Variants in DGKD observed in about 807,000 individuals in gnomAD.
DGKD encodes the protein diacylglycerol kinase delta, also known as DAG kinase delta.
In DGKD, 68 loss-of-function variants were observed where a neutral mutation model predicts 154.4. The observed-to-expected ratio is 0.44, with a 90% CI of 0.36 to 0.54. The LOEUF (loss-of-function observed/expected upper bound fraction) is 0.54. DGKD is among the 20% of genes least tolerant of loss of function. The pLI is 0.00. For missense variants in DGKD, 1,343 were observed against 1,593.6 expected, an observed-to-expected ratio of 0.84 and a Z score of 2.68; for synonymous variants, 693 against 638.0, an observed-to-expected ratio of 1.09 and a Z score of -1.30.
At chr2:233,367,111 T>C (rs1475289395) in intron 1 of DGKD, among the ~76,000 whole-genome samples, 1 of 152,224 alleles carries the variant, frequency 6.6e-6, no homozygotes, top group Non-Finnish European at 1.5e-5. Context: ...TCTTTGGTTG[T>C]TGTTATCTCT....
chr2:233,358,217 C>T (rs1701617890), intron 1 of DGKD, among the ~76,000 whole-genome samples: 1 of 152,182 alleles, frequency 6.6e-6, no homozygotes, highest in Admixed American at 6.5e-5. Context: ...TTCACCAGCA[C>T]ATTATAAGGT....
At chr2:233,382,104 C>T (rs1301708627) in intron 1 of DGKD, among the ~76,000 whole-genome samples, 2 of 152,082 alleles carry the variant, frequency 1.3e-5, no homozygotes, top group African/African-American at 4.8e-5. Context: ...GCATGTAGTG[C>T]GCGCCTGTAA....
At chr2:233,388,111 C>T (rs1703308469) in intron 1 of DGKD, 146 bp from the exon 2 acceptor site, 2 of 1,498,718 alleles carry the variant, frequency 1.3e-6, no homozygotes. Context: ...TGGGCCTGTG[C>T]ATAGGTCAAG....
chr2:233,368,093 T>G lies in DGKD; in HGVS notation c.156+13419T>G, dbSNP rs539841400. ...TCCTTTACCCCAAATGGTTTCCATA[T>G]TCATACACAATACAGGACTTGCCTG... On this transcript the variant is annotated intron_variant, in intron 1 of 29. Transcript: ENST00000264057. Among the ~76,000 whole-genome samples the G allele has an allele frequency of 7.2e-5, 11 of 152,338 alleles. No individual in the cohort carries two copies. The East Asian group carries it at 1.3e-3, about 19-fold the overall frequency.
chr2:233,471,127 T>C lies in DGKD; in HGVS notation c.*1667T>C, dbSNP rs1294415801. The C allele has an allele frequency of 6.6e-6, 1 of 152,358 alleles. No individual in the cohort carries two copies. Among genetic ancestry groups the C allele is most frequent in the Non-Finnish European group, 1.5e-5 (1 of 68,084 alleles). 9.4% of individuals were successfully genotyped at this position (152,358 alleles called of 1,614,324 possible). A position where few individuals can be genotyped will look rare whatever the true frequency, so the allele number is the denominator to read the frequency against. ...TTGGGTGCTCCCCTCTCGTGGTCGT[T>C]CTGGCCCGAGGCCCTTAGAGTATGG... On this transcript the variant is annotated 3_prime_UTR_variant, in exon 30 of 30. Transcript: ENST00000264057.
At chr2:233,428,822 G>T (rs1015136936) in intron 3 of DGKD, among the ~76,000 whole-genome samples, 1 of 152,080 alleles carries the variant, frequency 6.6e-6, no homozygotes, top group African/African-American at 2.4e-5. Context: ...TTCAGATCTG[G>T]GTCTCTCTCA....
At chr2:233,437,558 G>A (rs554938784) in intron 8 of DGKD, 79 bp downstream of exon 8, 1 of 1,397,976 alleles carries the variant, frequency 7.2e-7, no homozygotes, top group East Asian at 2.4e-5. Flanking sequence ...CTCCAGCTCT[G>A]GAGTTGGTTA....
intron 18 of DGKD, chr2:233,454,448 G>A (rs766811554): frequency 8.5e-5 from 41 of 482,352 alleles, no homozygotes; most frequent in South Asian, 3.6e-4. Flanking sequence ...GAAAGTAGAC[G>A]AGAGGCGCCA....
chr2:233,390,499 C>T lies in DGKD; in HGVS notation c.348+16C>T, dbSNP rs1206035310. 1.2e-6 allele frequency: 2 copies of T among 1,604,428 alleles called. No homozygotes were observed. Among genetic ancestry groups the T allele is most frequent in the Non-Finnish European group, 8.5e-7 (1 of 1,171,376 alleles). ...CAGTTTTACGGTAAGATTCCTCAGTCATGCCTTTCTTGATTCTTCACTGAA... is the reference window on the plus strand; with the variant it reads ...CAGTTTTACGGTAAGATTCCTCAGTTATGCCTTTCTTGATTCTTCACTGAA... On this transcript the variant is annotated intron_variant, in intron 3 of 29. Coordinates refer to ENST00000264057, the MANE Select transcript of DGKD (RefSeq NM_152879.3).
intron 1 of DGKD, among the ~76,000 whole-genome samples, chr2:233,378,224 G>A (rs184067836): frequency 2.5e-3 from 382 of 151,986 alleles, no homozygotes; most frequent in African/African-American, 8.9e-3. Flanking sequence ...GACTAGCCTG[G>A]GCAACATGGT....
At position 233,454,874 on chromosome 2, in the gene DGKD, G is replaced by A; in HGVS notation, c.2375+1G>A. 1 of 1,595,346 alleles carries A rather than the reference G, an allele frequency of 6.3e-7. No individual in the cohort carries two copies. The highest frequency in any genetic ancestry group is 8.6e-7 in the Non-Finnish European group (1 of 1,163,016). ...GCGATGAGCACCCAGAGAAGTGCAG[G>A]TAGGTAACAGGCTCAGGAGCACGTC... On this transcript the variant is annotated splice_donor_variant, in intron 19 of 29. Coordinates refer to ENST00000264057, the MANE Select transcript of DGKD (RefSeq NM_152879.3). LOFTEE classifies it high-confidence loss of function.
intron 27 of DGKD, among the ~76,000 whole-genome samples, chr2:233,465,015 G>A (rs141803448): frequency 1.9e-3 from 288 of 152,340 alleles, no homozygotes; most frequent in Non-Finnish European, 2.3e-3. Flanking sequence ...AGTAAGGCGA[G>A]GGGACAGAGG....
At chr2:233,462,155 T>A (rs1256677411) in intron 24 of DGKD, among the ~76,000 whole-genome samples, 193 bp from the exon 25 acceptor site, 1 of 152,246 alleles carries the variant, frequency 6.6e-6, no homozygotes, top group Non-Finnish European at 1.5e-5. Context: ...GCCCTCCCAT[T>A]TGCTGTGGGT....
rs950816041 is a variant in DGKD, at chr2:233,471,402, G to T, written c.*1942G>T. ...CGGCAGTCGCTTGGTTTCCCAGGTG[G>T]AATGGGCTAACACAGGAGATGATGG... On this transcript the variant is annotated 3_prime_UTR_variant, in exon 30 of 30. Transcript: ENST00000264057. 6.6e-6 allele frequency: 1 copy of T among 152,538 alleles called. No homozygotes were observed. Among genetic ancestry groups the T allele is most frequent in the Non-Finnish European group, 1.5e-5 (1 of 68,086 alleles). The allele number at this position is 152,538 out of a possible 1,614,324, so 9.4% of individuals were successfully genotyped here. A position where few individuals can be genotyped will look rare whatever the true frequency, so the allele number is the denominator to read the frequency against.
chr2:233,400,947 A>G (rs2061545228), intron 3 of DGKD, among the ~76,000 whole-genome samples: 2 of 152,092 alleles, frequency 1.3e-5, no homozygotes, highest in African/African-American at 4.8e-5. Flanking sequence ...AGCTCCCCAG[A>G]GGAATCAGGG....
chr2:233,400,614 G>A (rs543243278), intron 3 of DGKD, among the ~76,000 whole-genome samples: 13 of 152,322 alleles, frequency 8.5e-5, no homozygotes, highest in Non-Finnish European at 1.5e-4. Flanking sequence ...AGTCCATCTC[G>A]GGTGCTGGTT....
Position 233,435,850 on chromosome 2 carries a change from G to C in DGKD, c.619G>C (p.Val207Leu). 6.2e-7 allele frequency: 1 copy of C among 1,612,912 alleles called. No individual in the cohort carries two copies. The highest frequency in any genetic ancestry group is 8.5e-7 in the Non-Finnish European group (1 of 1,179,434). Residue 207 changes from valine to leucine, a missense_variant, in exon 6 of 30, where the codon GTG (valine) becomes CTG (leucine). Val to Leu is a conservative substitution (Grantham distance 32, BLOSUM62 1). This residue lies in a region of DGKD where 332 missense variants were observed against 400.1 expected (regional missense o/e 0.83). Transcript: ENST00000264057. ...ATTTAAGGCCCACAAGCGCTGTGCT[G>C]TGCGTGCAACCAATAACTGCAAGTG... is the stretch of plus-strand genomic sequence containing the variant. ...CKFKAHKRCA[V>L]RATNNCKWTT... is the part of the protein sequence containing the mutation.
At chr2:233,415,940 T>G (rs980978330) in intron 3 of DGKD, among the ~76,000 whole-genome samples, 8 of 152,114 alleles carry the variant, frequency 5.3e-5, no homozygotes, top group Non-Finnish European at 1.0e-4. Flanking sequence ...TAGATAAATT[T>G]AAAGACACCT....
rs1378459711 is a variant in DGKD at position 233,434,898 on chromosome 2, G to A, written c.583G>A (p.Glu195Lys). 2 of 1,612,192 alleles carry A rather than the reference G, an allele frequency of 1.2e-6. No individual in the cohort carries two copies. The highest frequency in any genetic ancestry group is 1.1e-5 in the South Asian group (1 of 91,010). The change falls in exon 5 of 30, where the codon GAG becomes AAG. Residue 195 changes from glutamate to lysine, a missense_variant. Around this residue, in one of 6 missense-constraint regions of DGKD, gnomAD observed 332 missense variants for 400.1 expected, o/e 0.83. Coordinates refer to ENST00000264057, the MANE Select transcript of DGKD (RefSeq NM_152879.3). ...GGTCACGTCGCACGGGCTGTCCTGC[G>A]AGGGTACGGATGTGCGTTTGTTATT... ...SGVTSHGLSC[E>K]VCKFKAHKRC... is the part of the protein sequence containing the mutation.
Sources: gnomAD v4.1 joint callset for allele counts (sites outside exome capture counted in the v4.1 genomes callset) on GRCh38, gnomAD v4.1.1 for gene constraint, gnomAD v4.1.1 regional missense constraint, MANE v1.5 for transcripts, NCBI Gene and HGNC (gene_info 2026-07-23, HGNC 2026-07-21) for gene names.